EMG1: variants seen among roughly 807,000 people sequenced by gnomAD.
EMG1 encodes EMG1 N1-specific pseudouridine methyltransferase.
Under a neutral mutation model 26.9 loss-of-function variants are expected in EMG1, and 24 were observed. That is an observed-to-expected ratio of 0.89 (90% CI 0.65 to 1.26). EMG1 has a LOEUF of 1.26. Among genes scored for constraint, EMG1 ranks in the 50% most tolerant of loss-of-function variants. The pLI is 0.00. For missense variants in EMG1, 299 were observed against 307.6 expected (o/e 0.97, Z 0.21); for synonymous variants, 140 against 112.6 (o/e 1.24, Z -1.54).
rs1555153710 is a variant in EMG1 at position 6,979,034 on chromosome 12, C to G, written c.*3225C>G. 3 of 303,432 alleles carry G rather than the reference C, an allele frequency of 9.9e-6. No individual in the cohort carries two copies. Among genetic ancestry groups the G allele is most frequent in the African/African-American group, 2.2e-5 (1 of 46,062 alleles). The allele number at this position is 303,432 out of a possible 1,614,324, so 18.8% of individuals were successfully genotyped here. A position where few individuals can be genotyped will look rare whatever the true frequency, so the allele number is the denominator to read the frequency against. On this transcript the variant is annotated 3_prime_UTR_variant, in exon 6 of 6. Transcript: ENST00000599672. ...TTTAATTTAAGGAGAGAAACCTGCC[C>G]AGAATTACTGAACTGTTTTCAAGCC...
Position 6,979,604 on chromosome 12 carries a change from T to C in EMG1, c.*3795T>C. The C allele has an allele frequency of 6.6e-7, 1 of 1,508,450 alleles. No individual in the cohort carries two copies. The highest frequency in any genetic ancestry group is 9.2e-7 in the Non-Finnish European group (1 of 1,083,850). 93.4% of individuals were successfully genotyped at this position (1,508,450 alleles called of 1,614,324 possible). Reference sequence around the variant, plus strand: ...GCTGGAAAGGAACGAGTGAAGTTCCTGGTCACAGAGAGCAGAGACTATTCC... The same window carrying C: ...GCTGGAAAGGAACGAGTGAAGTTCCCGGTCACAGAGAGCAGAGACTATTCC... On this transcript the variant is annotated 3_prime_UTR_variant, in exon 6 of 6. Coordinates refer to ENST00000599672, the MANE Select transcript of EMG1 (RefSeq NM_006331.8).
Position 6,977,653 on chromosome 12 carries a change from G to A in EMG1, c.*1844G>A. 6.2e-7 allele frequency: 1 copy of A among 1,614,222 alleles called. No homozygotes were observed. Among genetic ancestry groups the A allele is most frequent in the Non-Finnish European group, 8.5e-7 (1 of 1,180,038 alleles). ...CATCTGGAAGCAGACCAGGTATCCTGAGTGCAGGCCGTGCCAGAGGGCCAG... is the reference window on the plus strand; with the variant it reads ...CATCTGGAAGCAGACCAGGTATCCTAAGTGCAGGCCGTGCCAGAGGGCCAG... On this transcript the variant is annotated 3_prime_UTR_variant, in exon 6 of 6. Coordinates refer to ENST00000599672, the MANE Select transcript of EMG1 (RefSeq NM_006331.8). The surrounding 1 kb of genome is among the most constrained non-coding windows in gnomAD (Gnocchi z 4.5).
chr12:6,981,534 A>G (rs1946470980), downstream of EMG1: 1 of 1,560,020 alleles, frequency 6.4e-7, no homozygotes, highest in Admixed American at 1.7e-5. Context: ...TCTTTTGTTA[A>G]CAACTTTTTT....
intron 3 of EMG1, 90 bp from the exon 4 acceptor site, chr12:6,975,000 C>A: frequency 7.7e-7 from 1 of 1,293,312 alleles, no homozygotes; most frequent in African/African-American, 1.5e-5. Context: ...ACAGGGAACT[C>A]ATCTTATCCA....
chr12:6,981,090 G>C, downstream of EMG1: 1 of 1,613,912 alleles, frequency 6.2e-7, no homozygotes, highest in Non-Finnish European at 8.5e-7. Context: ...GCCCTACCAA[G>C]AAGGCCCCAT....
At chr12:6,991,541 T>C (rs1160970585), downstream of EMG1, among the ~76,000 whole-genome samples, 1 of 152,216 alleles carries the variant, frequency 6.6e-6, no homozygotes, top group Non-Finnish European at 1.5e-5. Flanking sequence ...CAGAAAAGTC[T>C]GTATATATTG....
chr12:6,996,814 G>A (rs1555156071), intron 7 of EMG1, among the ~76,000 whole-genome samples: 1 of 152,204 alleles, frequency 6.6e-6, no homozygotes, highest in African/African-American at 2.4e-5. Context: ...CGACCACAGT[G>A]GTCGGGAGAA....
chr12:6,974,301 G>C, intron 1 of EMG1, 38 bp from the exon 2 acceptor site: 1 of 1,474,292 alleles, frequency 6.8e-7, no homozygotes. Context: ...GGTAACAGAA[G>C]CTTATGCTGT....
At chr12:6,990,803 GC>G (rs1168383516), downstream of EMG1, among the ~76,000 whole-genome samples, 2 of 150,666 alleles carry the variant, frequency 1.3e-5, no homozygotes, top group Admixed American at 1.3e-4. Context: ...TGTGATCCCA[GC>G]TACTTGGGAG....
Position 6,979,288 on chromosome 12 carries a change from G to A in EMG1, c.*3479G>A. 1.7e-6 allele frequency: 1 copy of A among 605,728 alleles called. No homozygotes were observed. The highest frequency in any genetic ancestry group is 2.9e-6 in the Non-Finnish European group (1 of 340,114). 37.5% of individuals were successfully genotyped at this position (605,728 alleles called of 1,614,324 possible). A position where few individuals can be genotyped will look rare whatever the true frequency, so the allele number is the denominator to read the frequency against. On this transcript the variant is annotated 3_prime_UTR_variant, in exon 6 of 6. Transcript: ENST00000599672. ...GCACAGCCCTGTGCCCGCGAAGGTTGTTCAGTGCTGGCTGATGAACATGTC... is the reference window on the plus strand; with the variant it reads ...GCACAGCCCTGTGCCCGCGAAGGTTATTCAGTGCTGGCTGATGAACATGTC...
At chr12:6,981,433 G>A, downstream of EMG1, 1 of 782,618 alleles carries the variant, frequency 1.3e-6, no homozygotes, top group Non-Finnish European at 2.2e-6. Flanking sequence ...GGGCAAATTA[G>A]ATTTGTTGAT....
At chr12:6,993,006 T>G (rs1946603523), downstream of EMG1, among the ~76,000 whole-genome samples, 1 of 152,202 alleles carries the variant, frequency 6.6e-6, no homozygotes, top group Non-Finnish European at 1.5e-5. Context: ...GTATTATTAT[T>G]TAGCTTAGAA....
At chr12:6,982,536 T>A (rs1250057207), downstream of EMG1, 4 of 638,604 alleles carry the variant, frequency 6.3e-6, no homozygotes, top group Admixed American at 1.1e-4. Context: ...ATAAGCCACC[T>A]ACCTGAAGTC....
At chr12:6,997,050 G>A (rs1266570762) in intron 7 of EMG1, among the ~76,000 whole-genome samples, 1 of 152,110 alleles carries the variant, frequency 6.6e-6, no homozygotes, top group Non-Finnish European at 1.5e-5. Flanking sequence ...AGAAGGAAAA[G>A]GACAAATTAA....
chr12:6,984,817 T>C (rs1555154598), downstream of EMG1, among the ~76,000 whole-genome samples: 1 of 152,112 alleles, frequency 6.6e-6, no homozygotes, highest in Non-Finnish European at 1.5e-5. Context: ...CCTCCTGGGC[T>C]CAAGGAATCT....
downstream of EMG1, among the ~76,000 whole-genome samples, chr12:6,990,941 A>G (rs957301510): frequency 2.6e-5 from 4 of 151,454 alleles, no homozygotes; most frequent in Admixed American, 6.6e-5. Context: ...AAGGAAGAAA[A>G]TAAAACTAAA....
rs74644099 is a variant in EMG1, at chr12:6,979,000, A to G, written c.*3191A>G. 2.3e-3 allele frequency: 788 copies of G among 337,126 alleles called. 15 individuals are homozygous for G. The East Asian group carries it at 0.041, about 17-fold the overall frequency. The allele number at this position is 337,126 out of a possible 1,614,324, so 20.9% of individuals were successfully genotyped here. A position where few individuals can be genotyped will look rare whatever the true frequency, so the allele number is the denominator to read the frequency against. On this transcript the variant is annotated 3_prime_UTR_variant, in exon 6 of 6. Transcript: ENST00000599672. ...TGGAATGTTAAGTACAGAGGGGCCCATATTGGATTTTAATTTAAGGAGAGA... is the reference window on the plus strand; with the variant it reads ...TGGAATGTTAAGTACAGAGGGGCCCGTATTGGATTTTAATTTAAGGAGAGA...
chr12:6,973,053 C>T (rs923655882), intron 1 of EMG1, among the ~76,000 whole-genome samples: 47 of 150,996 alleles, frequency 3.1e-4, no homozygotes, highest in Non-Finnish European at 5.3e-4. Flanking sequence ...TTGCCCAGGC[C>T]GGTCTCAAAT....
downstream of EMG1, chr12:6,983,662 T>C (rs990042238): frequency 1.1e-5 from 7 of 654,672 alleles, no homozygotes; most frequent in African/African-American, 1.3e-4. Context: ...CAACATACAT[T>C]ATATGGATGG....
Sources: allele counts gnomAD v4.1 joint callset (sites outside exome capture counted in the v4.1 genomes callset), GRCh38; gene constraint gnomAD v4.1.1; non-coding constraint Gnocchi (gnomAD v3.1); transcripts MANE v1.5; gene names NCBI Gene and HGNC (gene_info 2026-07-23, HGNC 2026-07-21).